The following FBN1 variants were observed in gnomAD, a reference collection of about 807,000 sequenced individuals.
FBN1 encodes fibrillin 1, also known as fibrillin-1.
In FBN1, 29 loss-of-function variants were observed where a neutral mutation model predicts 365.1. The ratio of observed to expected loss-of-function variants is 0.08; its 90% CI spans 0.06 to 0.11. The LOEUF is 0.11. FBN1 is among the 10% of genes least tolerant of loss of function. FBN1 has a pLI of 1.00. For missense variants in FBN1, 2,476 were observed against 3,703.2 expected, an observed-to-expected ratio of 0.67 and a Z score of 8.60; for synonymous variants, 1,210 against 1,270.5, an observed-to-expected ratio of 0.95 and a Z score of 1.01.
chr15:48,502,380 T>C (rs976627808), intron 17 of FBN1, among the ~76,000 whole-genome samples: 9 of 152,160 alleles, frequency 5.9e-5, no homozygotes, highest in Non-Finnish European at 1.0e-4. Context: ...TTTAACTTTC[T>C]CTAACTTTTC....
chr15:48,413,314 T>C (rs903997791), intron 64 of FBN1, among the ~76,000 whole-genome samples: 8 of 152,224 alleles, frequency 5.3e-5, no homozygotes, highest in African/African-American at 1.9e-4. Context: ...GTTAATTTAA[T>C]AATAAACTAT....
intron 50 of FBN1, among the ~76,000 whole-genome samples, chr15:48,441,455 T>C (rs1224639111): frequency 6.6e-6 from 1 of 152,120 alleles, no homozygotes; most frequent in Non-Finnish European, 1.5e-5. Context: ...TCCCCACTGA[T>C]GGGCCTATCA....
intron 2 of FBN1, among the ~76,000 whole-genome samples, chr15:48,626,951 G>A (rs906915122): frequency 6.6e-6 from 1 of 152,128 alleles, no homozygotes; most frequent in African/African-American, 2.4e-5. Context: ...GTATTGGTGT[G>A]CTCATTCTCA....
chr15:48,470,585 G>T, intron 36 of FBN1, 49 bp downstream of exon 36: 1 of 1,612,352 alleles, frequency 6.2e-7, no homozygotes, highest in Non-Finnish European at 8.5e-7. Context: ...CAATAGCTGG[G>T]TCCCCCGGGA....
Position 48,526,010 on chromosome 15 carries a change from A to T in FBN1, c.988+120T>A, listed in dbSNP as rs984017850. On this transcript the variant is annotated intron_variant, in intron 9 of 65. Coordinates refer to ENST00000316623, the MANE Select transcript of FBN1 (RefSeq NM_000138.5). Reference sequence around the variant, plus strand: ...AGTCAACTGTTTAACATTTTTCCAAAAATGTACATTTTACCTCAGTTGATA... The same window carrying T: ...AGTCAACTGTTTAACATTTTTCCAATAATGTACATTTTACCTCAGTTGATA... 28 of 1,381,254 alleles carry T rather than the reference A, an allele frequency of 2.0e-5. No individual in the cohort carries two copies. In the African/African-American group the frequency reaches 3.3e-4, roughly 16 times the overall value. The allele number at this position is 1,381,254 out of a possible 1,614,324, so 85.6% of individuals were successfully genotyped here.
chr15:48,462,968 C>A (rs745407105), intron 42 of FBN1, 114 bp downstream of exon 42: 176 of 1,018,382 alleles, frequency 1.7e-4, no homozygotes, highest in East Asian at 2.7e-4. Context: ...CCGTTTTTTT[C>A]CCTGTAAAGA....
intron 6 of FBN1, among the ~76,000 whole-genome samples, chr15:48,565,142 A>G (rs547798401): frequency 2.0e-5 from 3 of 152,198 alleles, no homozygotes; most frequent in African/African-American, 7.2e-5. Flanking sequence ...AGCTTAAGGG[A>G]AACAGCTGTC....
chr15:48,594,842 C>T (rs1374113549), intron 6 of FBN1, among the ~76,000 whole-genome samples: 3 of 152,282 alleles, frequency 2.0e-5, no homozygotes, highest in Admixed American at 2.0e-4. Flanking sequence ...TTTTCACACA[C>T]CACTCCTCAA....
intron 44 of FBN1, among the ~76,000 whole-genome samples, chr15:48,456,109 C>A (rs2043236027): frequency 6.6e-6 from 1 of 152,182 alleles, no homozygotes. Context: ...TACATGGCAA[C>A]AGGAGGTAAT....
intron 9 of FBN1, among the ~76,000 whole-genome samples, chr15:48,523,865 G>A (rs2043883604): frequency 6.6e-6 from 1 of 152,188 alleles, no homozygotes; most frequent in Non-Finnish European, 1.5e-5. Context: ...ATCTGCCCTG[G>A]CCAAGACATC....
At chr15:48,483,721 T>C (rs997463447) in intron 31 of FBN1, 97 bp downstream of exon 31, 14 of 1,408,594 alleles carry the variant, frequency 9.9e-6, no homozygotes, top group Non-Finnish European at 1.3e-5. Context: ...ACTTTTCCTA[T>C]GGAATCTTTC....
At chr15:48,534,391 G>A (rs1010949859) in intron 7 of FBN1, among the ~76,000 whole-genome samples, 186 bp from the exon 8 acceptor site, 3 of 152,148 alleles carry the variant, frequency 2.0e-5, no homozygotes, top group Admixed American at 6.5e-5. Context: ...AAAATACATC[G>A]TTTGATTAAT....
At chr15:48,459,496 G>A (rs2043265369) in intron 43 of FBN1, among the ~76,000 whole-genome samples, 1 of 152,166 alleles carries the variant, frequency 6.6e-6, no homozygotes. Flanking sequence ...TTATGAATAA[G>A]GTGGAATAAA....
At chr15:48,435,451 TATAAA>T (rs1217116602) in intron 53 of FBN1, among the ~76,000 whole-genome samples, 2 of 152,022 alleles carry the variant, frequency 1.3e-5, no homozygotes, top group African/African-American at 4.8e-5. Context: ...TTTTGCCAGA[TATAAA>T]ATAAAAGACT....
intron 37 of FBN1, 34 bp from the exon 38 acceptor site, chr15:48,468,136 C>G: frequency 2.0e-5 from 33 of 1,612,816 alleles, no homozygotes; most frequent in Non-Finnish European, 2.7e-5. Flanking sequence ...AAGCATCAGG[C>G]AGAATCTTTC....
intron 17 of FBN1, among the ~76,000 whole-genome samples, chr15:48,503,449 G>A (rs1261484141): frequency 6.6e-6 from 1 of 152,196 alleles, no homozygotes; most frequent in Non-Finnish European, 1.5e-5. Context: ...CTTTTACGCT[G>A]TGTAAAAGTC....
chr15:48,489,200 A>ATTTTTTTT (rs756179079), intron 25 of FBN1, among the ~76,000 whole-genome samples: 1 of 48,418 alleles, frequency 2.1e-5, no homozygotes, highest in Non-Finnish European at 3.6e-5. Flanking sequence ...ATGCCTAGAT[A>ATTTTTTTT]TTTTTTTTTT....
In FBN1 at chr15:48,474,239, T is replaced by G. The variant is rs367609683; in HGVS notation, c.4210+16A>C. On this transcript the variant is annotated intron_variant, in intron 34 of 65. Transcript: ENST00000316623. ...TCTGACTAGTGTTGACACAGTTGTT[T>G]CCAGCGTGAACATACCTGTACAAGT... is the stretch of plus-strand genomic sequence containing the variant. 7 of 1,614,036 alleles carry G rather than the reference T, an allele frequency of 4.3e-6. No individual in the cohort carries two copies. The East Asian group carries it at 6.7e-5, about 15-fold the overall frequency.
intron 50 of FBN1, among the ~76,000 whole-genome samples, chr15:48,441,407 T>C (rs914546673): frequency 6.6e-6 from 1 of 152,176 alleles, no homozygotes. Flanking sequence ...GTAGCTCAAC[T>C]TCCCCCAGGC....
Sources: gnomAD v4.1 joint callset for allele counts (sites outside exome capture counted in the v4.1 genomes callset) on GRCh38, gnomAD v4.1.1 for gene constraint, MANE v1.5 for transcripts, NCBI Gene and HGNC (gene_info 2026-07-23, HGNC 2026-07-21) for gene names.